MYO10: variants seen among roughly 807,000 people sequenced by gnomAD.
MYO10 encodes unconventional myosin-X.
A neutral mutation model predicts 257.3 loss-of-function variants in MYO10; 133 were observed. The observed-to-expected ratio is 0.52, with a 90% CI of 0.45 to 0.60. MYO10 has a LOEUF of 0.60. Among genes scored for constraint, MYO10 ranks in the 20% least tolerant of loss-of-function variants. The pLI is 0.00. For missense variants in MYO10, 2,399 were observed against 2,635.7 expected (o/e 0.91, Z 1.97); for synonymous variants, 1,104 against 1,028.6 (o/e 1.07, Z -1.40).
chr5:16,716,692 C>T (rs542025801), intron 19 of MYO10, among the ~76,000 whole-genome samples: 34 of 151,992 alleles, frequency 2.2e-4, no homozygotes, highest in African/African-American at 6.3e-4. Flanking sequence ...CCCAGGAAGA[C>T]GTGGCTGGGG....
At chr5:16,677,993 T>C (rs7735007) in intron 33 of MYO10, among the ~76,000 whole-genome samples, 45,995 of 151,656 alleles carry the variant, frequency 0.3, 7,258 homozygotes, top group South Asian at 0.42. Flanking sequence ...ACTCCTGACC[T>C]CAGGTGATCC....
At chr5:16,731,207 G>C (rs1739569492) in intron 19 of MYO10, among the ~76,000 whole-genome samples, 1 of 151,870 alleles carries the variant, frequency 6.6e-6, no homozygotes. Flanking sequence ...ACCATACCTG[G>C]CTAATTTTTG....
chr5:16,685,919 T>G lies in MYO10; in HGVS notation c.3897-88A>C, dbSNP rs1579823527. ...CCCTACTGCACGTGCTCTGTGAAAA[T>G]GACATCTCTAAGCACCTTTGCTTTT... On this transcript the variant is annotated intron_variant, in intron 28 of 40. Transcript: ENST00000513610. The G allele has an allele frequency of 9.2e-6, 9 of 976,940 alleles. No individual in the cohort carries two copies. The East Asian group carries it at 2.4e-4, about 26-fold the overall frequency. The allele number at this position is 976,940 out of a possible 1,614,324, so 60.5% of individuals were successfully genotyped here. A position where few individuals can be genotyped will look rare whatever the true frequency, so the allele number is the denominator to read the frequency against.
chr5:16,796,464 G>GAAAGAAAGAAAGAAAGAAAGA (rs1247319704), intron 3 of MYO10, among the ~76,000 whole-genome samples: 3 of 100,044 alleles, frequency 3.0e-5, no homozygotes, highest in African/African-American at 7.3e-5. Flanking sequence ...AAGAAAGAAA[G>GAAAGAAAGAAAGAAAGAAAGA]AAAGAAAAGA....
intron 2 of MYO10, among the ~76,000 whole-genome samples, chr5:16,836,569 C>T (rs536601262): frequency 6.6e-6 from 1 of 152,266 alleles, no homozygotes; most frequent in South Asian, 2.1e-4. Flanking sequence ...GGGTATACAG[C>T]CCCCACCTTG....
At chr5:16,925,164 TC>T (rs1746098886) in intron 1 of MYO10, among the ~76,000 whole-genome samples, 2 of 152,070 alleles carry the variant, frequency 1.3e-5, no homozygotes, top group South Asian at 2.1e-4. Flanking sequence ...AGCAAAAGTT[TC>T]CCAAAACCCA....
intron 1 of MYO10, among the ~76,000 whole-genome samples, chr5:16,902,051 T>G (rs886136861): frequency 6.6e-6 from 1 of 152,122 alleles, no homozygotes; most frequent in African/African-American, 2.4e-5. Context: ...TTTTCTTTAT[T>G]TTTTATTTTT....
rs149784739 is a variant in MYO10, at chr5:16,834,506, C to T, written c.121-16339G>A. On this transcript the variant is annotated intron_variant, in intron 2 of 40. Coordinates refer to ENST00000513610, the MANE Select transcript of MYO10 (RefSeq NM_012334.3). ...TGTCTCACAAAAACTTCTGGGTTCT[C>T]ACTGTCTCATCAAATTCCTGGAACT... 2.5e-4 allele frequency among the ~76,000 whole-genome samples: 38 copies of T among 152,284 alleles called. No homozygotes were observed. In the East Asian group the frequency reaches 7.0e-3, roughly 28 times the overall value.
At chr5:16,821,057 AAT>A (rs1252929864) in intron 2 of MYO10, among the ~76,000 whole-genome samples, 1 of 147,410 alleles carries the variant, frequency 6.8e-6, no homozygotes, top group Non-Finnish European at 1.5e-5. Context: ...ATATATGTAT[AAT>A]ATATAATATA....
At chr5:16,857,579 A>G (rs1743995060) in intron 2 of MYO10, among the ~76,000 whole-genome samples, 1 of 152,246 alleles carries the variant, frequency 6.6e-6, no homozygotes, top group South Asian at 2.1e-4. Flanking sequence ...CTGCTGAATC[A>G]GAAGCTCTGG....
At chr5:16,783,092 T>C (rs1367711822) in intron 5 of MYO10, among the ~76,000 whole-genome samples, 5 of 152,144 alleles carry the variant, frequency 3.3e-5, no homozygotes, top group Non-Finnish European at 7.3e-5. Flanking sequence ...CAGACAGCCA[T>C]TGCGCGCCAC....
intron 11 of MYO10, 78 bp downstream of exon 11, chr5:16,766,002 C>T: frequency 1.0e-6 from 1 of 952,992 alleles, no homozygotes; most frequent in Non-Finnish European, 1.7e-6. Context: ...ATTATAATTA[C>T]ATATTTCAAT....
chr5:16,861,548 G>A (rs1013647284), intron 2 of MYO10, among the ~76,000 whole-genome samples: 1 of 152,068 alleles, frequency 6.6e-6, no homozygotes, highest in Non-Finnish European at 1.5e-5. Context: ...CTCCAGCCTG[G>A]GCAACAAGAG....
intron 32 of MYO10, among the ~76,000 whole-genome samples, chr5:16,680,753 C>T (rs1736954916): frequency 6.6e-6 from 1 of 152,298 alleles, no homozygotes; most frequent in African/African-American, 2.4e-5. Flanking sequence ...CAGGATTTAT[C>T]TTTTACAGGT....
At chr5:16,863,523 C>T (rs1180801412) in intron 2 of MYO10, among the ~76,000 whole-genome samples, 1 of 152,142 alleles carries the variant, frequency 6.6e-6, no homozygotes, top group African/African-American at 2.4e-5. Context: ...TCACATAGCC[C>T]ACATTCCTAT....
At chr5:16,778,665 G>A (rs1391904650) in intron 9 of MYO10, among the ~76,000 whole-genome samples, 1 of 150,470 alleles carries the variant, frequency 6.6e-6, no homozygotes, top group African/African-American at 2.4e-5. Context: ...CCTGTTAGCA[G>A]GAACACCTCT....
chr5:16,820,986 A>G (rs934386062), intron 2 of MYO10, among the ~76,000 whole-genome samples: 65 of 147,720 alleles, frequency 4.4e-4, no homozygotes, highest in African/African-American at 1.5e-3. Flanking sequence ...TATATATTAT[A>G]TAAGATCTTA....
intron 19 of MYO10, among the ~76,000 whole-genome samples, chr5:16,743,518 C>T (rs1740083750): frequency 6.6e-6 from 1 of 152,072 alleles, no homozygotes; most frequent in African/African-American, 2.4e-5. Flanking sequence ...CAGTGCACAC[C>T]TGTAGTCCCA....
chr5:16,725,558 G>A (rs1325472266), intron 19 of MYO10, among the ~76,000 whole-genome samples: 2 of 152,194 alleles, frequency 1.3e-5, no homozygotes, highest in Non-Finnish European at 2.9e-5. Context: ...AAAATTAAGT[G>A]TGTGATATAC....
Sources: gnomAD v4.1 joint callset for allele counts (sites outside exome capture counted in the v4.1 genomes callset) on GRCh38, gnomAD v4.1.1 for gene constraint, MANE v1.5 for transcripts, NCBI Gene and HGNC (gene_info 2026-07-23, HGNC 2026-07-21) for gene names.